Variants in CTNNBL1 observed in about 807,000 individuals in gnomAD.
CTNNBL1 encodes catenin beta like 1.
A neutral mutation model predicts 72.7 loss-of-function variants in CTNNBL1; 31 were observed. That is an observed-to-expected ratio of 0.43 (90% CI 0.32 to 0.58). The LOEUF is 0.58. Among genes scored for constraint, CTNNBL1 ranks in the 20% least tolerant of loss-of-function variants. The pLI is 0.08. For synonymous variants in CTNNBL1, 240 were observed against 267.3 expected, an observed-to-expected ratio of 0.90 and a Z score of 1.00; for missense variants, 534 against 725.1, an observed-to-expected ratio of 0.74 and a Z score of 3.03.
intron 11 of CTNNBL1, among the ~76,000 whole-genome samples, chr20:37,812,250 A>G (rs2072018359): frequency 6.6e-6 from 1 of 152,238 alleles, no homozygotes; most frequent in Non-Finnish European, 1.5e-5. Context: ...GTAGCATTCA[A>G]TATGGTAATA....
chr20:37,777,207 G>A (rs1041671919), intron 7 of CTNNBL1, 138 bp from the exon 8 acceptor site: 11 of 653,646 alleles, frequency 1.7e-5, no homozygotes, highest in Middle Eastern at 2.6e-4. Context: ...AGAGGCAGAC[G>A]TTTTTACCCT....
intron 11 of CTNNBL1, among the ~76,000 whole-genome samples, chr20:37,806,490 G>A (rs919568571): frequency 5.3e-5 from 8 of 152,204 alleles, no homozygotes; most frequent in African/African-American, 1.9e-4. Context: ...GAAAGGGCAG[G>A]TTGGGTTTTA....
chr20:37,734,676 A>C (rs1438089103), intron 2 of CTNNBL1, among the ~76,000 whole-genome samples: 2 of 152,208 alleles, frequency 1.3e-5, no homozygotes, highest in Admixed American at 6.5e-5. Context: ...TTGATGAAAA[A>C]CAAGTGATGT....
intron 13 of CTNNBL1, among the ~76,000 whole-genome samples, chr20:37,856,348 T>A (rs1323096634): frequency 6.6e-6 from 1 of 152,094 alleles, no homozygotes; most frequent in African/African-American, 2.4e-5. Flanking sequence ...AGGCAGGCCG[T>A]GGGAGGTACC....
intron 5 of CTNNBL1, among the ~76,000 whole-genome samples, chr20:37,759,179 C>T (rs1469782017): frequency 6.6e-6 from 1 of 152,144 alleles, no homozygotes; most frequent in Non-Finnish European, 1.5e-5. Context: ...ATTTATTTTT[C>T]GTTTGAACCA....
At chr20:37,788,580 G>A (rs1007494725) in intron 10 of CTNNBL1, among the ~76,000 whole-genome samples, 2 of 152,244 alleles carry the variant, frequency 1.3e-5, no homozygotes, top group African/African-American at 4.8e-5. Context: ...GGGGAGGCTA[G>A]GAGTCCACTC....
chr20:37,830,922 A>G (rs2072203459), intron 11 of CTNNBL1, among the ~76,000 whole-genome samples: 2 of 152,348 alleles, frequency 1.3e-5, no homozygotes, highest in African/African-American at 2.4e-5. Flanking sequence ...TACTGAGTGC[A>G]TATTGCATTT....
intron 4 of CTNNBL1, among the ~76,000 whole-genome samples, chr20:37,752,557 T>TC (rs996528334): frequency 8.7e-6 from 1 of 114,820 alleles, no homozygotes; most frequent in African/African-American, 4.4e-5. Context: ...CTTATTTCTC[T>TC]TTTTTTTTTT....
intron 13 of CTNNBL1, among the ~76,000 whole-genome samples, chr20:37,851,095 C>T (rs1235313523): frequency 6.6e-6 from 1 of 152,210 alleles, no homozygotes; most frequent in Non-Finnish European, 1.5e-5. Flanking sequence ...GAAACACACA[C>T]ACACAACCCT....
intron 11 of CTNNBL1, among the ~76,000 whole-genome samples, chr20:37,821,204 A>G (rs1178784792): frequency 6.6e-6 from 1 of 151,982 alleles, no homozygotes; most frequent in African/African-American, 2.4e-5. Context: ...GCCTCTCCTG[A>G]TTTTCCATTT....
At chr20:37,842,302 T>A in intron 12 of CTNNBL1, 37 bp from the exon 13 acceptor site, 1 of 1,452,356 alleles carries the variant, frequency 6.9e-7, no homozygotes. Flanking sequence ...TGCGTTGTCT[T>A]TCCTTCTCAC....
chr20:37,772,282 G>C (rs1325425322), intron 7 of CTNNBL1, among the ~76,000 whole-genome samples: 1 of 152,210 alleles, frequency 6.6e-6, no homozygotes, highest in African/African-American at 2.4e-5. Context: ...AAATTCTTGG[G>C]TCCACCCAGA....
chr20:37,827,672 G>A (rs768623137), intron 11 of CTNNBL1, among the ~76,000 whole-genome samples: 1 of 152,128 alleles, frequency 6.6e-6, no homozygotes, highest in East Asian at 1.9e-4. Flanking sequence ...AGATATACCC[G>A]GGTGCAGGAG....
intron 15 of CTNNBL1, among the ~76,000 whole-genome samples, chr20:37,870,375 A>AC (rs1307735272): frequency 6.7e-6 from 1 of 150,304 alleles, no homozygotes; most frequent in Non-Finnish European, 1.5e-5. Flanking sequence ...GGGGGACTGC[A>AC]CCCCCCGACA....
intron 11 of CTNNBL1, among the ~76,000 whole-genome samples, chr20:37,820,732 T>C (rs1176669503): frequency 6.6e-6 from 1 of 152,176 alleles, no homozygotes; most frequent in South Asian, 2.1e-4. Flanking sequence ...CCTGCCATGA[T>C]TGTAAGTTTC....
At chr20:37,702,847 T>C (rs2072855755) in intron 1 of CTNNBL1, among the ~76,000 whole-genome samples, 1 of 152,196 alleles carries the variant, frequency 6.6e-6, no homozygotes, top group Admixed American at 6.5e-5. Flanking sequence ...GTAGTTAATG[T>C]CTAATACATG....
At chr20:37,761,847 G>A (rs1365882690) in intron 5 of CTNNBL1, among the ~76,000 whole-genome samples, 2 of 152,242 alleles carry the variant, frequency 1.3e-5, no homozygotes, top group African/African-American at 4.8e-5. Context: ...AAATGATCAA[G>A]AGCAGGATGG....
chr20:37,720,656 A>G (rs1568750677), intron 1 of CTNNBL1, among the ~76,000 whole-genome samples: 2 of 152,218 alleles, frequency 1.3e-5, no homozygotes, highest in African/African-American at 4.8e-5. Context: ...CAGCAGCATG[A>G]CATATAATTT....
At chr20:37,862,123 G>C (rs1010907187) in intron 15 of CTNNBL1, among the ~76,000 whole-genome samples, 2 of 47,416 alleles carry the variant, frequency 4.2e-5, no homozygotes, top group Non-Finnish European at 8.4e-5. Flanking sequence ...GGGTCTGATG[G>C]ACACAGCCCC....
Sources: allele counts gnomAD v4.1 joint callset (sites outside exome capture counted in the v4.1 genomes callset), GRCh38; gene constraint gnomAD v4.1.1; transcripts MANE v1.5; gene names NCBI Gene and HGNC (gene_info 2026-07-23, HGNC 2026-07-21).